Variants in CALD1 observed in about 807,000 individuals in gnomAD.
The protein encoded by CALD1 is caldesmon.
In CALD1, 33 loss-of-function variants were observed where a neutral mutation model predicts 99.9. The ratio of observed to expected loss-of-function variants is 0.33; its 90% CI spans 0.25 to 0.44. CALD1 has a LOEUF of 0.44. Among genes scored for constraint, CALD1 ranks in the 20% least tolerant of loss-of-function variants. The pLI, the probability that CALD1 is intolerant of heterozygous loss-of-function variation, is 1.00. For synonymous variants in CALD1, 310 were observed against 325.0 expected (o/e 0.95, Z 0.50); for missense variants, 861 against 962.1 (o/e 0.89, Z 1.39).
intron 1 of CALD1, among the ~76,000 whole-genome samples, chr7:134,835,392 G>C (rs1799392330): frequency 1.3e-5 from 2 of 152,170 alleles, no homozygotes; most frequent in African/African-American, 4.8e-5. Flanking sequence ...AAGAGGAACA[G>C]GATAATTCCA....
At chr7:134,773,998 G>A (rs531216232) in intron 1 of CALD1, among the ~76,000 whole-genome samples, 20 of 152,126 alleles carry the variant, frequency 1.3e-4, no homozygotes, top group South Asian at 4.2e-4. Context: ...GGGAAACCCC[G>A]TCTCTACTAA....
intron 2 of CALD1, among the ~76,000 whole-genome samples, chr7:134,854,871 G>A (rs1358536366): frequency 3.9e-5 from 6 of 152,206 alleles, no homozygotes; most frequent in South Asian, 2.1e-4. Flanking sequence ...GTTGGAGGAG[G>A]GGCCTGGTGG....
chr7:134,817,054 A>G (rs1798590187), intron 1 of CALD1, among the ~76,000 whole-genome samples: 1 of 152,188 alleles, frequency 6.6e-6, no homozygotes, highest in Non-Finnish European at 1.5e-5. Flanking sequence ...ATTTGCTAGG[A>G]TGTTGTTACT....
At chr7:134,955,233 T>C (rs1487809391) in intron 9 of CALD1, among the ~76,000 whole-genome samples, 1 of 151,846 alleles carries the variant, frequency 6.6e-6, no homozygotes, top group Non-Finnish European at 1.5e-5. Context: ...CTACTGAAAA[T>C]ACAAAAATTA....
chr7:134,712,683 G>A, the CALD1 span, among the ~76,000 whole-genome samples: 1 of 152,194 alleles, frequency 6.6e-6, no homozygotes, highest in Non-Finnish European at 1.5e-5. Flanking sequence ...AAATTGCAGG[G>A]CTCTGCGGAG....
intron 1 of CALD1, among the ~76,000 whole-genome samples, chr7:134,828,284 T>C (rs1467033543): frequency 6.6e-6 from 1 of 152,216 alleles, no homozygotes; most frequent in Non-Finnish European, 1.5e-5. Context: ...GAGACAAATG[T>C]GGCTCAGAGT....
chr7:134,902,045 G>A (rs1803037099), intron 3 of CALD1, among the ~76,000 whole-genome samples: 1 of 152,154 alleles, frequency 6.6e-6, no homozygotes, highest in South Asian at 2.1e-4. Context: ...CAACGAGCCT[G>A]GGCATTACCT....
intron 1 of CALD1, among the ~76,000 whole-genome samples, chr7:134,795,139 CT>C (rs771002953): frequency 3.3e-5 from 5 of 151,226 alleles, no homozygotes; most frequent in East Asian, 3.9e-4. Context: ...TTTTCTTTCT[CT>C]TTTTTTTTCA....
intron 1 of CALD1, among the ~76,000 whole-genome samples, chr7:134,841,802 C>CCTGAATCCCACATGGA (rs1450924273): frequency 6.6e-6 from 1 of 151,650 alleles, no homozygotes; most frequent in Non-Finnish European, 1.5e-5. Flanking sequence ...GACATATGAG[C>CCTGAATCCCACATGGA]CTGAATCCCA....
chr7:134,912,161 A>G (rs1029700851), intron 3 of CALD1, among the ~76,000 whole-genome samples: 1 of 152,218 alleles, frequency 6.6e-6, no homozygotes, highest in African/African-American at 2.4e-5. Flanking sequence ...CCTCCCCTCA[A>G]TTTCCGACCC....
chr7:134,829,643 G>A (rs1300345385), intron 1 of CALD1, among the ~76,000 whole-genome samples: 2 of 152,200 alleles, frequency 1.3e-5, no homozygotes, highest in Non-Finnish European at 2.9e-5. Context: ...GATTATACAC[G>A]ACATTGTAGG....
At chr7:134,957,429 G>A (rs941961709) in intron 9 of CALD1, among the ~76,000 whole-genome samples, 11 of 151,962 alleles carry the variant, frequency 7.2e-5, no homozygotes, top group Admixed American at 7.2e-4. Context: ...CATTTTGTTT[G>A]TTTGTTTTGA....
intron 3 of CALD1, among the ~76,000 whole-genome samples, chr7:134,885,320 G>A (rs890703614): frequency 5.9e-5 from 9 of 152,086 alleles, no homozygotes; most frequent in African/African-American, 2.2e-4. Flanking sequence ...CTAATAAAGT[G>A]TTATTATATA....
chr7:134,790,091 G>A (rs965320684), intron 1 of CALD1, among the ~76,000 whole-genome samples: 3 of 150,396 alleles, frequency 2.0e-5, no homozygotes, highest in Non-Finnish European at 3.0e-5. Context: ...AGGAGAGAGA[G>A]AGAGAGAGAG....
upstream of CALD1, among the ~76,000 whole-genome samples, chr7:134,777,108 A>G (rs1038802236): frequency 2.0e-5 from 3 of 152,182 alleles, no homozygotes; most frequent in African/African-American, 7.2e-5. Flanking sequence ...ATACTATGAA[A>G]GTAAAATTTC....
chr7:134,962,644 G>A (rs1808366387), intron 13 of CALD1, among the ~76,000 whole-genome samples: 1 of 152,160 alleles, frequency 6.6e-6, no homozygotes, highest in Non-Finnish European at 1.5e-5. Context: ...CTTGCTATTT[G>A]TGGGTAGAAT....
intron 9 of CALD1, among the ~76,000 whole-genome samples, chr7:134,952,444 T>G (rs1807420821): frequency 6.6e-6 from 1 of 152,144 alleles, no homozygotes; most frequent in South Asian, 2.1e-4. Context: ...AAATCAGAAT[T>G]TTTTAATCCC....
chr7:134,859,354 C>T (rs987083819), intron 2 of CALD1, among the ~76,000 whole-genome samples: 6 of 152,308 alleles, frequency 3.9e-5, no homozygotes, highest in Admixed American at 3.9e-4. Flanking sequence ...GGAGAATTTC[C>T]ACCTTGCCTT....
intron 3 of CALD1, among the ~76,000 whole-genome samples, chr7:134,892,829 C>A (rs1802304177): frequency 6.6e-6 from 1 of 152,336 alleles, no homozygotes; most frequent in Admixed American, 6.5e-5. Flanking sequence ...TCGCTCTACT[C>A]TGCAGTCATA....
Sources: allele counts gnomAD v4.1 joint callset (sites outside exome capture counted in the v4.1 genomes callset), GRCh38; gene constraint gnomAD v4.1.1; transcripts MANE v1.5; gene names NCBI Gene and HGNC (gene_info 2026-07-23, HGNC 2026-07-21).